ME1: variants seen among roughly 807,000 people sequenced by gnomAD.
ME1 encodes the protein NADP-dependent malic enzyme.
ME1 carries 74 observed loss-of-function variants against 66.4 expected under a neutral mutation model. The observed-to-expected ratio is 1.11, with a 90% CI of 0.92 to 1.35. The LOEUF (loss-of-function observed/expected upper bound fraction) is 1.35, where lower values mean the gene tolerates loss of function less well. Among genes scored for constraint, ME1 ranks in the 40% most tolerant of loss-of-function variants. The pLI is 0.00. For synonymous variants in ME1, 251 were observed against 235.6 expected (o/e 1.07, Z -0.60); for missense variants, 750 against 694.1 (o/e 1.08, Z -0.90).
intron 3 of ME1, among the ~76,000 whole-genome samples, chr6:83,379,831 C>A (rs1047931082): frequency 6.6e-6 from 1 of 152,004 alleles, no homozygotes; most frequent in Non-Finnish European, 1.5e-5. Context: ...GAGAACTGTA[C>A]GTACATTTGA....
rs34581323 is a variant in ME1 at position 83,211,526 on chromosome 6, CT to C, written c.*397del. ...CACCTACGCCTAGATTCATTTCTAG[CT>C]TTTTTTTTTTGAAAAGTAGATTTTA... is the stretch of plus-strand genomic sequence containing the variant. On this transcript the variant is annotated 3_prime_UTR_variant, in exon 14 of 14. Coordinates refer to ENST00000369705, the MANE Select transcript of ME1 (RefSeq NM_002395.6). 5.4e-5 allele frequency: 8 copies of C among 149,056 alleles called. No homozygotes were observed. Among genetic ancestry groups the C allele is most frequent in the South Asian group, 4.2e-4 (2 of 4,756 alleles). 9.2% of individuals were successfully genotyped at this position (149,056 alleles called of 1,614,324 possible).
intron 6 of ME1, among the ~76,000 whole-genome samples, chr6:83,262,501 T>C (rs1350798605): frequency 6.6e-6 from 1 of 152,236 alleles, no homozygotes; most frequent in African/African-American, 2.4e-5. Flanking sequence ...TTTACTTCTG[T>C]AGTTTGAATC....
At position 83,313,373 on chromosome 6, in the gene ME1, G is replaced by A. The variant is rs532025450; in HGVS notation, c.704+1937C>T. Among the ~76,000 whole-genome samples the A allele has an allele frequency of 5.8e-3, 882 of 151,874 alleles. 7 individuals carry two copies. The highest frequency in any genetic ancestry group is 0.02 in the African/African-American group (833 of 41,358). On this transcript the variant is annotated intron_variant, in intron 6 of 13. Transcript: ENST00000369705. ...TCCCTGTTTCCTTACAAAGAACTAA[G>A]GTAACTCCTCAATTCCACATTTAAA...
chr6:83,317,668 C>A (rs1390716337), intron 5 of ME1, among the ~76,000 whole-genome samples: 2 of 152,104 alleles, frequency 1.3e-5, no homozygotes, highest in East Asian at 3.9e-4. Flanking sequence ...CCTTCTCCTG[C>A]CTAATTGCCC....
intron 3 of ME1, among the ~76,000 whole-genome samples, chr6:83,365,249 C>A (rs574517118): frequency 1.3e-5 from 2 of 152,164 alleles, no homozygotes; most frequent in Non-Finnish European, 2.9e-5. Flanking sequence ...TCTGCCACCA[C>A]GCCCAGCTAA....
chr6:83,263,781 AAC>A (rs1766939111), intron 6 of ME1, among the ~76,000 whole-genome samples: 2 of 116,068 alleles, frequency 1.7e-5, no homozygotes, highest in African/African-American at 3.8e-5. Flanking sequence ...AACATAACAT[AAC>A]ATAACATAAC....
At chr6:83,315,197 T>C in intron 6 of ME1, 113 bp downstream of exon 6, 1 of 656,486 alleles carries the variant, frequency 1.5e-6, no homozygotes. Flanking sequence ...TATATGCATT[T>C]TTCATTCAAA....
chr6:83,278,972 A>G (rs1441827972), intron 6 of ME1, among the ~76,000 whole-genome samples: 1 of 152,154 alleles, frequency 6.6e-6, no homozygotes, highest in Non-Finnish European at 1.5e-5. Context: ...CTGACAGCCA[A>G]TCATAGGACT....
intron 8 of ME1, among the ~76,000 whole-genome samples, chr6:83,238,493 G>T (rs951928175): frequency 1.3e-5 from 2 of 151,990 alleles, no homozygotes; most frequent in African/African-American, 4.8e-5. Context: ...CAAACCCTTT[G>T]AAAATTCAAA....
intron 3 of ME1, among the ~76,000 whole-genome samples, chr6:83,358,795 A>C (rs1287437526): frequency 3.9e-5 from 6 of 152,034 alleles, no homozygotes; most frequent in African/African-American, 4.8e-5. Flanking sequence ...CCTTTGTCTG[A>C]GGAGATAAAC....
At chr6:83,221,526 G>A (rs530816719) in intron 12 of ME1, among the ~76,000 whole-genome samples, 2 of 152,286 alleles carry the variant, frequency 1.3e-5, no homozygotes, top group African/African-American at 4.8e-5. Context: ...CTGCCTGCTT[G>A]GAAAGGGGGT....
chr6:83,277,599 A>G (rs920041850), intron 6 of ME1, among the ~76,000 whole-genome samples: 2 of 152,128 alleles, frequency 1.3e-5, no homozygotes, highest in African/African-American at 4.8e-5. Flanking sequence ...AACTAAAACT[A>G]AGAACAAAAA....
intron 7 of ME1, among the ~76,000 whole-genome samples, chr6:83,249,036 G>A (rs1175950231): frequency 6.6e-6 from 1 of 152,030 alleles, no homozygotes; most frequent in East Asian, 1.9e-4. Flanking sequence ...CTTAACTTAG[G>A]CATCTTTGTC....
chr6:83,251,506 G>T (rs750933946), intron 7 of ME1, among the ~76,000 whole-genome samples: 1 of 150,608 alleles, frequency 6.6e-6, no homozygotes, highest in Non-Finnish European at 1.5e-5. Flanking sequence ...AAAAAAAATT[G>T]CATAAATATA....
intron 3 of ME1, among the ~76,000 whole-genome samples, chr6:83,376,918 G>A (rs577272916): frequency 1.3e-5 from 2 of 151,800 alleles, no homozygotes; most frequent in African/African-American, 4.8e-5. Flanking sequence ...TTGATAAAGA[G>A]GACTGTTTGG....
chr6:83,370,752 C>T (rs373661133), intron 3 of ME1, among the ~76,000 whole-genome samples: 10 of 152,034 alleles, frequency 6.6e-5, no homozygotes, highest in African/African-American at 1.9e-4. Context: ...TTACTGGCAA[C>T]GCAAAGAAAA....
intron 6 of ME1, among the ~76,000 whole-genome samples, chr6:83,297,449 GA>G (rs1767620265): frequency 6.6e-6 from 1 of 152,122 alleles, no homozygotes; most frequent in Admixed American, 6.5e-5. Flanking sequence ...CACAGAACTA[GA>G]AAAGGCTATT....
Position 83,297,293 on chromosome 6 carries a change from C to T in ME1, c.704+18017G>A, listed in dbSNP as rs963801514. Among the ~76,000 whole-genome samples, 16 of 152,010 alleles carry T rather than the reference C, an allele frequency of 1.1e-4. No individual in the cohort carries two copies. In the South Asian group the frequency reaches 1.9e-3, roughly 18 times the overall value. ...CTATACTGACAACTACAAAACACTG[C>T]GGAAGGAAATCAGAGACAACACAAA... is the stretch of plus-strand genomic sequence containing the variant. On this transcript the variant is annotated intron_variant, in intron 6 of 13. Transcript: ENST00000369705.
intron 1 of ME1, among the ~76,000 whole-genome samples, chr6:83,412,892 C>T (rs910078083): frequency 2.0e-5 from 3 of 152,120 alleles, no homozygotes; most frequent in Middle Eastern, 3.2e-3. Context: ...AGAACCATTC[C>T]TTATTGTGGT....
Sources: gnomAD v4.1 joint callset for allele counts (sites outside exome capture counted in the v4.1 genomes callset) on GRCh38, gnomAD v4.1.1 for gene constraint, MANE v1.5 for transcripts, NCBI Gene and HGNC (gene_info 2026-07-23, HGNC 2026-07-21) for gene names.